MTMR3: variants seen among roughly 807,000 people sequenced by gnomAD.
The protein encoded by MTMR3 is myotubularin related protein 3.
Under a neutral mutation model 132.4 loss-of-function variants are expected in MTMR3, and 32 were observed. The ratio of observed to expected loss-of-function variants is 0.24; its 90% confidence interval spans 0.18 to 0.32. The LOEUF (loss-of-function observed/expected upper bound fraction) is 0.32, where lower values mean the gene tolerates loss of function less well. Among genes scored for constraint, MTMR3 ranks in the 10% least tolerant of loss-of-function variants. MTMR3 has a pLI of 1.00. For synonymous variants in MTMR3, 556 were observed against 550.3 expected, an observed-to-expected ratio of 1.01 and a Z score of -0.14; for missense variants, 1,216 against 1,489.6, an observed-to-expected ratio of 0.82 and a Z score of 3.02.
chr22:29,978,835 T>C (rs951724099), intron 4 of MTMR3, 101 bp from the exon 5 acceptor site: 104 of 885,626 alleles, frequency 1.2e-4, no homozygotes, highest in Non-Finnish European at 1.7e-4. Flanking sequence ...TGTTTTCAAC[T>C]TCAGTGGCAG....
At chr22:29,895,611 G>A (rs2064878308) in intron 1 of MTMR3, among the ~76,000 whole-genome samples, 2 of 152,136 alleles carry the variant, frequency 1.3e-5, no homozygotes, top group Admixed American at 6.5e-5. Context: ...ACGTGTTGTC[G>A]GGTGGTTGTG....
intron 1 of MTMR3, among the ~76,000 whole-genome samples, chr22:29,930,959 A>G (rs1166429550): frequency 1.3e-5 from 2 of 150,928 alleles, no homozygotes; most frequent in African/African-American, 4.9e-5. Flanking sequence ...GTGAGCCATG[A>G]TCACACCACT....
In MTMR3 at chr22:30,012,528, A is replaced by G. The variant is rs2067457789; in HGVS notation, c.1282A>G (p.Lys428Glu). 1 of 1,613,560 alleles carries G rather than the reference A, an allele frequency of 6.2e-7. No homozygotes were observed. Among genetic ancestry groups the G allele is most frequent in the African/African-American group, 1.3e-5 (1 of 74,880 alleles). ...DRTPQIVALA[K>E]LLLDPYYRTI... ...CACCCCCCAGATTGTGGCATTGGCT[A>G]AGCTCTTGCTGGACCCTTATTACCG... The change falls in exon 13 of 20, where the codon AAG (lysine) becomes GAG (glutamate). Residue 428 changes from lysine (K) to glutamate (E), a missense_variant. This residue lies in a region of MTMR3 where 106 missense variants were observed against 209.5 expected (regional missense o/e 0.51). Transcript: ENST00000401950.
At chr22:29,905,220 G>C (rs1216287458) in intron 1 of MTMR3, among the ~76,000 whole-genome samples, 1 of 152,136 alleles carries the variant, frequency 6.6e-6, no homozygotes, top group Non-Finnish European at 1.5e-5. Flanking sequence ...AAGTCCCCCA[G>C]ATGCCCCTGT....
intron 1 of MTMR3, among the ~76,000 whole-genome samples, chr22:29,918,615 A>G (rs897254979): frequency 6.6e-6 from 1 of 152,226 alleles, no homozygotes; most frequent in Non-Finnish European, 1.5e-5. Flanking sequence ...TTTGTAGACT[A>G]TGAAGGAAAA....
chr22:29,957,415 GTATTTATTTATTTATTTATT>G lies in MTMR3; in HGVS notation c.-85+352_-85+371del, dbSNP rs59964116. Among the ~76,000 whole-genome samples the G allele has an allele frequency of 3.1e-3, 449 of 147,108 alleles. 4 individuals carry two copies. The highest frequency in any genetic ancestry group is 0.01 in the African/African-American group (411 of 39,752). ...TAAATAGATTTATCAATCTCCAGTTGTATTTATTTATTTATTTATTTATTTATTTATTTATTTATTTATTG... is the reference window on the plus strand; with the variant it reads ...TAAATAGATTTATCAATCTCCAGTTGTATTTATTTATTTATTTATTTATTG... On this transcript the variant is annotated intron_variant, in intron 2 of 19. Coordinates refer to ENST00000401950, the MANE Select transcript of MTMR3 (RefSeq NM_021090.4).
At chr22:29,884,551 CT>C (rs35960936) in intron 1 of MTMR3, among the ~76,000 whole-genome samples, 3,645 of 62,596 alleles carry the variant, frequency 0.058, 108 homozygotes, top group Middle Eastern at 0.068. Context: ...CAGAATGACA[CT>C]TTTTTTTTTT....
Position 30,022,689 on chromosome 22 carries a change from C to G in MTMR3, c.3417C>G (p.His1139Gln), listed in dbSNP as rs766081710. The G allele has an allele frequency of 6.2e-6, 10 of 1,608,090 alleles. No homozygotes were observed. The Admixed American group carries it at 1.7e-4, about 27-fold the overall frequency. Reference sequence around the variant, plus strand: ...CCTTCTGGCTTGCCAGCAGGAAGCACCACTGCAGGTACCATTGAGGGGCTG... The same window carrying G: ...CCTTCTGGCTTGCCAGCAGGAAGCAGCACTGCAGGTACCATTGAGGGGCTG... ...DSAFWLASRKHHCRNCGNVFC... is the reference protein window; with the variant it reads ...DSAFWLASRKQHCRNCGNVFC... Residue 1139 changes from histidine (H) to glutamine (Q), a missense_variant, in exon 19 of 20, where the codon CAC (histidine) becomes CAG (glutamine). His to Gln is a conservative substitution (Grantham distance 24). Coordinates refer to ENST00000401950, the MANE Select transcript of MTMR3 (RefSeq NM_021090.4).
At chr22:29,913,249 A>G (rs1241269539) in intron 1 of MTMR3, among the ~76,000 whole-genome samples, 2 of 152,176 alleles carry the variant, frequency 1.3e-5, no homozygotes, top group Non-Finnish European at 2.9e-5. Context: ...CCCATCTCAA[A>G]ACAAAAACAG....
intron 1 of MTMR3, among the ~76,000 whole-genome samples, chr22:29,939,290 T>C (rs997002986): frequency 6.6e-6 from 1 of 152,218 alleles, no homozygotes; most frequent in Non-Finnish European, 1.5e-5. Context: ...ATTTTTATTA[T>C]AGGTTTAAAT....
chr22:29,927,897 C>T (rs572822665), intron 1 of MTMR3, among the ~76,000 whole-genome samples: 7 of 149,060 alleles, frequency 4.7e-5, no homozygotes, highest in Admixed American at 1.3e-4. Context: ...ACTACATATC[C>T]TTGTAAAATA....
At chr22:29,969,979 A>C (rs1714456401) in intron 2 of MTMR3, among the ~76,000 whole-genome samples, 1 of 151,862 alleles carries the variant, frequency 6.6e-6, no homozygotes, top group African/African-American at 2.4e-5. Flanking sequence ...TGAAGCCCAG[A>C]CTCCCTGAAA....
chr22:29,907,592 C>T (rs1216550319), intron 1 of MTMR3, among the ~76,000 whole-genome samples: 1 of 152,026 alleles, frequency 6.6e-6, no homozygotes, highest in East Asian at 1.9e-4. Flanking sequence ...TTTCTTTCCT[C>T]AAGGGCATAA....
At chr22:29,926,109 C>T (rs189506882) in intron 1 of MTMR3, among the ~76,000 whole-genome samples, 4 of 152,116 alleles carry the variant, frequency 2.6e-5, no homozygotes, top group Non-Finnish European at 5.9e-5. Flanking sequence ...ATGCATTTAC[C>T]TATTTTGATA....
At chr22:30,006,884 C>T (rs533630740) in intron 9 of MTMR3, 2 of 498,152 alleles carry the variant, frequency 4.0e-6, no homozygotes, top group East Asian at 7.4e-5. Context: ...TTTTGGGTAA[C>T]TTTACAGGGA....
Position 30,020,105 on chromosome 22 carries a change from G to A in MTMR3, c.2446G>A (p.Ala816Thr), listed in dbSNP as rs752056913. The A allele has an allele frequency of 5.0e-6, 8 of 1,614,104 alleles. No homozygotes were observed. The East Asian group carries it at 1.1e-4, about 22-fold the overall frequency. ...AGCAGTTCTTCCAATCCCAGTAGATGCAAAAGTTGGCTATGGTACCTCACA... is the reference window on the plus strand; with the variant it reads ...AGCAGTTCTTCCAATCCCAGTAGATACAAAAGTTGGCTATGGTACCTCACA... ...EEAVLPIPVDAKVGYGTSQSC... is the reference protein window; with the variant it reads ...EEAVLPIPVDTKVGYGTSQSC... Residue 816 changes from alanine to threonine, a missense_variant, in exon 17 of 20, where the codon GCA becomes ACA. This residue lies in a region of MTMR3 where 852 missense variants were observed against 852.0 expected (regional missense o/e 1.00). Transcript: ENST00000401950.
At chr22:29,971,610 A>G (rs2066537762) in intron 3 of MTMR3, among the ~76,000 whole-genome samples, 1 of 152,140 alleles carries the variant, frequency 6.6e-6, no homozygotes, top group Admixed American at 6.5e-5. Context: ...TATAGAAGCA[A>G]TTCCCTACCT....
chr22:29,945,735 T>A (rs199727927), intron 1 of MTMR3, among the ~76,000 whole-genome samples: 12 of 134,048 alleles, frequency 9.0e-5, no homozygotes, highest in African/African-American at 2.4e-4. Context: ...AAAAAAAAAA[T>A]TTCGAGCCAA....
chr22:29,991,579 A>G lies in MTMR3; in HGVS notation c.369A>G (p.Lys123=). ...RLNNAIRPPA[K]IEDLFSFAYH... is the part of the protein sequence containing the mutation. Reference sequence around the variant, plus strand: ...ACAACGCAATCCGACCACCTGCTAAAATAGAAGATCTCTTCTCATTTGCAT... The same window carrying G: ...ACAACGCAATCCGACCACCTGCTAAGATAGAAGATCTCTTCTCATTTGCAT... Residue 123 remains lysine, a synonymous_variant, in exon 7 of 20, where the codon AAA becomes AAG. Transcript: ENST00000401950. 6.2e-7 allele frequency: 1 copy of G among 1,614,146 alleles called. No homozygotes were observed. The highest frequency in any genetic ancestry group is 1.1e-5 in the South Asian group (1 of 91,068).
Sources: allele counts gnomAD v4.1 joint callset (sites outside exome capture counted in the v4.1 genomes callset), GRCh38; gene constraint gnomAD v4.1.1; regional missense constraint gnomAD v4.1.1; transcripts MANE v1.5; gene names NCBI Gene and HGNC (gene_info 2026-07-23, HGNC 2026-07-21).